The following TCF4 variants were observed in gnomAD, a reference collection of about 807,000 sequenced individuals.
TCF4 encodes transcription factor 4.
In TCF4, 3 loss-of-function variants were observed where a neutral mutation model predicts 82.1. That is an observed-to-expected ratio of 0.04 (90% CI 0.02 to 0.09). The LOEUF is 0.09. Ranked by LOEUF, TCF4 falls within the 10% of genes least tolerant of loss-of-function variation. The pLI is 1.00. For synonymous variants in TCF4, 276 were observed against 309.6 expected (o/e 0.89, Z 1.14); for missense variants, 518 against 852.7 (o/e 0.61, Z 4.89).
intron 3 of TCF4, among the ~76,000 whole-genome samples, chr18:55,580,687 G>A (rs1201079666): frequency 6.6e-6 from 1 of 151,756 alleles, no homozygotes; most frequent in Non-Finnish European, 1.5e-5. Context: ...CATTTCGTGC[G>A]AAGCCTCAAT....
chr18:55,408,497 T>C (rs190835923), intron 5 of TCF4, among the ~76,000 whole-genome samples: 2 of 152,336 alleles, frequency 1.3e-5, no homozygotes, highest in East Asian at 3.9e-4. Flanking sequence ...TTAGTAGTTC[T>C]GAACACATAC....
chr18:55,457,453 A>G (rs2095786095), intron 5 of TCF4, among the ~76,000 whole-genome samples: 1 of 152,226 alleles, frequency 6.6e-6, no homozygotes, highest in South Asian at 2.1e-4. Context: ...CCACACACAC[A>G]AGATTATTTC....
Position 55,304,930 on chromosome 18 carries a change from G to A in TCF4, c.550-25274C>T, listed in dbSNP as rs564165669. The stretch of plus-strand genomic sequence containing the variant: ...TTGTTTCAATGATAAACCAATAATT[G>A]CATATTTGGTGGAAAAGTCTACAGC... On this transcript the variant is annotated intron_variant, in intron 8 of 19. Coordinates refer to ENST00000354452, the MANE Select transcript of TCF4 (RefSeq NM_001083962.2). Among the ~76,000 whole-genome samples, 9 of 152,178 alleles carry A rather than the reference G, an allele frequency of 5.9e-5. No individual in the cohort carries two copies. In the South Asian group the frequency reaches 1.7e-3, roughly 28 times the overall value.
At chr18:55,436,619 A>T (rs1309207857) in intron 5 of TCF4, among the ~76,000 whole-genome samples, 1 of 152,214 alleles carries the variant, frequency 6.6e-6, no homozygotes, top group Non-Finnish European at 1.5e-5. Context: ...GTGAAGGTCT[A>T]CCACCACAGT....
chr18:55,345,014 G>C (rs2144576958), intron 8 of TCF4, among the ~76,000 whole-genome samples: 1 of 152,232 alleles, frequency 6.6e-6, no homozygotes, highest in East Asian at 1.9e-4. Context: ...TCAAGGCAGA[G>C]AAGAGGAGGA....
intron 16 of TCF4, among the ~76,000 whole-genome samples, chr18:55,232,917 A>G (rs1291880284): frequency 6.6e-6 from 1 of 152,260 alleles, no homozygotes; most frequent in Non-Finnish European, 1.5e-5. Context: ...ACTGTCTACA[A>G]AACATCAACT....
intron 2 of TCF4, among the ~76,000 whole-genome samples, chr18:55,615,479 C>G (rs1202185544): frequency 6.6e-6 from 1 of 151,654 alleles, no homozygotes; most frequent in African/African-American, 2.4e-5. Flanking sequence ...TAGAACAAAA[C>G]AATTCTACTC....
intron 8 of TCF4, among the ~76,000 whole-genome samples, chr18:55,294,886 T>A (rs1249598331): frequency 2.0e-5 from 3 of 152,152 alleles, no homozygotes; most frequent in Admixed American, 1.3e-4. Flanking sequence ...TGTGTCCGGA[T>A]TTTTAAAATA....
intron 8 of TCF4, among the ~76,000 whole-genome samples, chr18:55,308,202 G>A (rs2071015018): frequency 6.6e-6 from 1 of 152,096 alleles, no homozygotes; most frequent in African/African-American, 2.4e-5. Context: ...GACTGCTAAG[G>A]ACAAGATGGA....
chr18:55,630,294 T>G (rs2097730355), intron 2 of TCF4, among the ~76,000 whole-genome samples: 1 of 152,152 alleles, frequency 6.6e-6, no homozygotes, highest in Non-Finnish European at 1.5e-5. Context: ...ATTCACAAAA[T>G]TTTACTACAT....
chr18:55,527,886 A>C (rs745757833), intron 3 of TCF4, among the ~76,000 whole-genome samples: 14 of 152,226 alleles, frequency 9.2e-5, no homozygotes, highest in Non-Finnish European at 1.6e-4. Flanking sequence ...AAGTATAGAC[A>C]CACCCTAGGA....
In TCF4 at chr18:55,461,101, C is replaced by A; in HGVS notation, c.222G>T (p.Gly74=). The change falls in exon 5 of 20, where the codon GGG becomes GGT. Residue 74 remains glycine (G), a synonymous_variant. Transcript: ENST00000354452. ...HPSPSRNYGD[G]TPYDHMTSRD... ...TGCTGGTCATGTGGTCATAGGGAGTCCCATCTCCATAGTTCTGTAAATAAA... is the reference window on the plus strand; with the variant it reads ...TGCTGGTCATGTGGTCATAGGGAGTACCATCTCCATAGTTCTGTAAATAAA... The A allele has an allele frequency of 6.2e-7, 1 of 1,612,502 alleles. No individual in the cohort carries two copies. The highest frequency in any genetic ancestry group is 8.5e-7 in the Non-Finnish European group (1 of 1,178,856).
intron 3 of TCF4, among the ~76,000 whole-genome samples, chr18:55,584,575 T>C (rs948680060): frequency 1.3e-5 from 2 of 152,190 alleles, no homozygotes; most frequent in Non-Finnish European, 2.9e-5. Flanking sequence ...AGATAATCAC[T>C]GTGCACACAG....
intron 5 of TCF4, among the ~76,000 whole-genome samples, chr18:55,418,019 G>A (rs2094582790): frequency 6.6e-6 from 1 of 151,212 alleles, no homozygotes; most frequent in Non-Finnish European, 1.5e-5. Context: ...GTGTGTGTGT[G>A]TGTGTGTGTG....
intron 3 of TCF4, among the ~76,000 whole-genome samples, chr18:55,472,570 C>T (rs2096208022): frequency 6.6e-6 from 1 of 152,122 alleles, no homozygotes; most frequent in Non-Finnish European, 1.5e-5. Context: ...CCATGAATAA[C>T]TCAAGCAAGA....
chr18:55,236,348 C>A (rs1804368679), intron 15 of TCF4, among the ~76,000 whole-genome samples: 1 of 152,138 alleles, frequency 6.6e-6, no homozygotes, highest in Admixed American at 6.5e-5. Flanking sequence ...AGACTGATAT[C>A]TCCCAAAGAA....
At chr18:55,448,285 T>A (rs867004622) in intron 5 of TCF4, among the ~76,000 whole-genome samples, 47 of 152,228 alleles carry the variant, frequency 3.1e-4, no homozygotes, top group African/African-American at 1.0e-3. Flanking sequence ...TCCCTCACAG[T>A]AAGGAAAGGT....
rs1372123630 is a variant in TCF4 at position 55,350,774 on chromosome 18, G to A, written c.499+100C>T. 4 of 1,553,670 alleles carry A rather than the reference G, an allele frequency of 2.6e-6. No individual in the cohort carries two copies. The African/African-American group carries it at 4.1e-5, about 16-fold the overall frequency. ...TGAGCCAAATTTTATGGTTTTCTTG[G>A]GGTGGGAGGTAGGATGGGGGGGCGA... On this transcript the variant is annotated intron_variant, in intron 7 of 19. Coordinates refer to ENST00000354452, the MANE Select transcript of TCF4 (RefSeq NM_001083962.2).
chr18:55,514,806 ATTAT>A (rs2096865032), intron 3 of TCF4, among the ~76,000 whole-genome samples: 2 of 152,150 alleles, frequency 1.3e-5, no homozygotes, highest in South Asian at 4.1e-4. Context: ...ATTGATGTAT[ATTAT>A]TTACTCTTTT....
Sources: gnomAD v4.1 joint callset for allele counts (sites outside exome capture counted in the v4.1 genomes callset) on GRCh38, gnomAD v4.1.1 for gene constraint, MANE v1.5 for transcripts, NCBI Gene and HGNC (gene_info 2026-07-23, HGNC 2026-07-21) for gene names.